SMARCA4: variants seen among roughly 807,000 people sequenced by gnomAD.
The protein encoded by SMARCA4 is SWI/SNF related BAF chromatin remodeling complex subunit ATPase 4.
SMARCA4 carries 31 observed loss-of-function variants against 193.9 expected under a neutral mutation model. The observed-to-expected ratio is 0.16, with a 90% CI of 0.12 to 0.22. The LOEUF is 0.22. Ranked by LOEUF, SMARCA4 falls within the 10% of genes least tolerant of loss-of-function variation. The probability of loss-of-function intolerance (pLI) is 1.00; values close to 1 mark genes in which losing one functional copy is unlikely to be tolerated. For synonymous variants in SMARCA4, 942 were observed against 933.1 expected (o/e 1.01, Z -0.17); for missense variants, 1,148 against 2,296.0 (o/e 0.50, Z 10.22).
intron 13 of SMARCA4, among the ~76,000 whole-genome samples, chr19:11,007,275 C>G (rs929179020): frequency 2.0e-5 from 3 of 151,880 alleles, no homozygotes; most frequent in Non-Finnish European, 2.9e-5. Flanking sequence ...ACTAAAAATA[C>G]AAAAATTAGC....
chr19:10,986,743 G>C lies in SMARCA4; in HGVS notation c.760+150G>C, dbSNP rs1599955263. 4 of 1,319,720 alleles carry C rather than the reference G, an allele frequency of 3.0e-6. No homozygotes were observed. In the East Asian group the frequency reaches 1.0e-4, roughly 33 times the overall value. 81.8% of individuals were successfully genotyped at this position (1,319,720 alleles called of 1,614,324 possible). ...CTGCACTTCTGGGTGCTCGGGTGGT[G>C]GGGGCAGCTAAATGCTGCTTCCCCA... On this transcript the variant is annotated intron_variant, in intron 4 of 34. Coordinates refer to ENST00000344626, the MANE Select transcript of SMARCA4 (RefSeq NM_003072.5). This position sits in a 1 kb window ranked among gnomAD's most constrained non-coding sequence, Gnocchi z 6.7.
intron 20 of SMARCA4, 130 bp from the exon 21 acceptor site, chr19:11,024,201 C>CA (rs2090082694): frequency 1.4e-6 from 1 of 722,318 alleles, no homozygotes; most frequent in African/African-American, 1.7e-5. Flanking sequence ...AGGGTCTCCT[C>CA]ACCCACACCC....
chr19:10,968,544 C>T (rs984897899), intron 1 of SMARCA4, among the ~76,000 whole-genome samples: 4 of 151,746 alleles, frequency 2.6e-5, no homozygotes, highest in East Asian at 1.9e-4. Flanking sequence ...GACGGAGACT[C>T]GCTGTGTTAC....
At chr19:11,029,015 C>T (rs1366728914) in intron 24 of SMARCA4, among the ~76,000 whole-genome samples, 8 of 152,174 alleles carry the variant, frequency 5.3e-5, no homozygotes, top group South Asian at 2.1e-4. Context: ...AGGTGCCACC[C>T]GGAGTGTGCC....
intron 8 of SMARCA4, 47 bp from the exon 9 acceptor site, chr19:10,994,781 C>T (rs1235111056): frequency 7.1e-6 from 11 of 1,551,132 alleles, no homozygotes; most frequent in Non-Finnish European, 9.8e-6. Context: ...GAGATGTGTC[C>T]ACCATGCTGC....
rs1261875065 is a variant in SMARCA4 at position 11,041,750 on chromosome 19, A to G, written c.4424+190A>G. ...TGCTTTCTGGAACAGGGAAGCACAC[A>G]TGTATCTGCGGTGATGAGAGGGAAT... On this transcript the variant is annotated intron_variant, in intron 30 of 34. Coordinates refer to ENST00000344626, the MANE Select transcript of SMARCA4 (RefSeq NM_003072.5). The surrounding 1 kb of genome is among the most constrained non-coding windows in gnomAD (Gnocchi z 5.6). Among the ~76,000 whole-genome samples, 2 of 152,094 alleles carry G rather than the reference A, an allele frequency of 1.3e-5. No homozygotes were observed. Among genetic ancestry groups the G allele is most frequent in the African/African-American group, 2.4e-5 (1 of 41,416 alleles).
chr19:11,061,207 ATATAT>A (rs2076870220), intron 34 of SMARCA4, among the ~76,000 whole-genome samples: 76 of 37,892 alleles, frequency 2.0e-3, no homozygotes, highest in East Asian at 0.01. Context: ...AAAAAAAAAT[ATATAT>A]ATATATATAT....
At chr19:11,012,670 A>G (rs1176414741) in intron 15 of SMARCA4, 6 of 466,190 alleles carry the variant, frequency 1.3e-5, no homozygotes, top group Non-Finnish European at 2.0e-5. Context: ...ACAATGTAAC[A>G]GGTGGGAGTG....
Position 10,985,524 on chromosome 19 carries a change from G to C in SMARCA4, c.355+119G>C. 7.8e-7 allele frequency: 1 copy of C among 1,279,048 alleles called. No homozygotes were observed. Among genetic ancestry groups the C allele is most frequent in the Non-Finnish European group, 1.1e-6 (1 of 912,754 alleles). 79.2% of individuals were successfully genotyped at this position (1,279,048 alleles called of 1,614,324 possible). A position where few individuals can be genotyped will look rare whatever the true frequency, so the allele number is the denominator to read the frequency against. On this transcript the variant is annotated intron_variant, in intron 3 of 34. Coordinates refer to ENST00000344626, the MANE Select transcript of SMARCA4 (RefSeq NM_003072.5). The surrounding 1 kb of genome is among the most constrained non-coding windows in gnomAD (Gnocchi z 4.5). ...GGAGTACCTAGGATGATGTAGCCGGGTGGGTGGCCCGCCACAGAGAGCTGT... is the reference window on the plus strand; with the variant it reads ...GGAGTACCTAGGATGATGTAGCCGGCTGGGTGGCCCGCCACAGAGAGCTGT...
chr19:10,986,422 C>A lies in SMARCA4; in HGVS notation c.589C>A (p.Pro197Thr), dbSNP rs200664441. 1 of 1,577,550 alleles carries A rather than the reference C, an allele frequency of 6.3e-7. No homozygotes were observed. The highest frequency in any genetic ancestry group is 1.3e-5 in the African/African-American group (1 of 74,264). Residue 197 changes from proline (P) to threonine (T), a missense_variant, in exon 4 of 35, where the codon CCC becomes ACC. By Grantham distance (38) the Pro-to-Thr change is conservative (BLOSUM62 -1). This residue lies in a region of SMARCA4 where 257 missense variants were observed against 276.5 expected (regional missense o/e 0.93). Coordinates refer to ENST00000344626, the MANE Select transcript of SMARCA4 (RefSeq NM_003072.5). This position sits in a 1 kb window ranked among gnomAD's most constrained non-coding sequence, Gnocchi z 6.7. ...YKMLARGQPL[P>T]DHLQMAVQGK... is the part of the protein sequence containing the mutation. ...GATGCTGGCCAGGGGGCAGCCCCTC[C>A]CCGACCACCTGCAGATGGCGGTGCA...
At chr19:10,963,036 A>G (rs2083929001) in intron 1 of SMARCA4, among the ~76,000 whole-genome samples, 1 of 152,050 alleles carries the variant, frequency 6.6e-6, no homozygotes, top group African/African-American at 2.4e-5. Context: ...TGTGGATTGA[A>G]TGAGGGGGTC....
chr19:11,059,751 A>T lies in SMARCA4; in HGVS notation c.4636-2A>T, dbSNP rs372390180. Reference sequence around the variant, plus strand: ...ACTCAAGCCCCTGGTGTCTCTGCCCAGATCTATGAAGACTCCATCGTCTTG... The same window carrying T: ...ACTCAAGCCCCTGGTGTCTCTGCCCTGATCTATGAAGACTCCATCGTCTTG... On this transcript the variant is annotated splice_acceptor_variant, in intron 32 of 34. Transcript: ENST00000344626. LOFTEE classifies it high-confidence loss of function. 1 of 1,565,052 alleles carries T rather than the reference A, an allele frequency of 6.4e-7. No homozygotes were observed. The highest frequency in any genetic ancestry group is 8.7e-7 in the Non-Finnish European group (1 of 1,155,066).
chr19:11,047,380 T>G (rs1477138504), intron 30 of SMARCA4, among the ~76,000 whole-genome samples: 2 of 150,824 alleles, frequency 1.3e-5, no homozygotes, highest in African/African-American at 4.9e-5. Context: ...CACAGAGCAC[T>G]GCCAACCAGA....
chr19:11,060,030 C>T lies in SMARCA4; in HGVS notation c.4769-15C>T, dbSNP rs775151985. The stretch of plus-strand genomic sequence containing the variant: ...CCAGAGCTCAAGGCTGTCTTTCCCT[C>T]CCGGTCCCCTCCAGCTCGGTCCGTC... On this transcript the variant is annotated splice_polypyrimidine_tract_variant and intron_variant, in intron 33 of 34. Coordinates refer to ENST00000344626, the MANE Select transcript of SMARCA4 (RefSeq NM_003072.5). 3 of 1,581,124 alleles carry T rather than the reference C, an allele frequency of 1.9e-6. No individual in the cohort carries two copies. The highest frequency in any genetic ancestry group is 2.3e-5 in the South Asian group (2 of 86,864).
intron 1 of SMARCA4, among the ~76,000 whole-genome samples, chr19:10,973,821 T>C (rs189554074): frequency 0.054 from 8,179 of 152,122 alleles, 287 homozygotes; most frequent in South Asian, 0.11. Flanking sequence ...CCACCCGCCT[T>C]GGCCTCCCAA....
At chr19:11,032,746 C>T (rs1050967940) in intron 25 of SMARCA4, 3 of 199,564 alleles carry the variant, frequency 1.5e-5, no homozygotes, top group African/African-American at 6.9e-5. Context: ...CTGGGCCACA[C>T]TCCTGGTGCT....
rs2145878488 is a variant in SMARCA4 at position 10,991,177 on chromosome 19, C to T, written c.1273C>T (p.Arg425Trp). The T allele has an allele frequency of 6.2e-7, 1 of 1,613,800 alleles. No homozygotes were observed. The change falls in exon 8 of 35, where the codon CGG becomes TGG. Residue 425 changes from arginine to tryptophan, a missense_variant. Arg to Trp is a moderately radical substitution (Grantham distance 101). Transcript: ENST00000344626. ...QLRQEVVVCM[R>W]RDTALETALN... is the part of the protein sequence containing the mutation. Reference sequence around the variant, plus strand: ...GCGCCAGGAGGTGGTGGTGTGCATGCGGAGGGACACAGCGCTGGAGACAGC... The same window carrying T: ...GCGCCAGGAGGTGGTGGTGTGCATGTGGAGGGACACAGCGCTGGAGACAGC...
At chr19:10,988,375 G>C (rs1181917724) in intron 6 of SMARCA4, among the ~76,000 whole-genome samples, 1 of 152,102 alleles carries the variant, frequency 6.6e-6, no homozygotes, top group African/African-American at 2.4e-5. Flanking sequence ...CCAAAGTGCT[G>C]GGATTACAGG....
intron 21 of SMARCA4, 69 bp downstream of exon 21, chr19:11,024,507 C>A (rs1279351126): frequency 1.0e-6 from 1 of 987,966 alleles, no homozygotes; most frequent in Non-Finnish European, 1.6e-6. Context: ...GCAGGCAGAG[C>A]AGAGCGTGCT....
Sources: gnomAD v4.1 joint callset for allele counts (sites outside exome capture counted in the v4.1 genomes callset) on GRCh38, gnomAD v4.1.1 for gene constraint, gnomAD v4.1.1 regional missense constraint, Gnocchi (gnomAD v3.1) non-coding constraint, MANE v1.5 for transcripts, NCBI Gene and HGNC (gene_info 2026-07-23, HGNC 2026-07-21) for gene names.